CNDP1: variants seen among roughly 807,000 people sequenced by gnomAD.
CNDP1 encodes beta-Ala-His dipeptidase.
In CNDP1, 44 loss-of-function variants were observed where a neutral mutation model predicts 58.1. That is an observed-to-expected ratio of 0.76 (90% CI 0.60 to 0.97). The LOEUF (loss-of-function observed/expected upper bound fraction) is 0.97. CNDP1 is among the 50% of genes least tolerant of loss of function. CNDP1 has a pLI of 0.00. For missense variants in CNDP1, 616 were observed against 655.1 expected (o/e 0.94, Z 0.65); for synonymous variants, 254 against 252.6 (o/e 1.01, Z -0.05).
chr18:74,559,904 T>C (rs531129156), intron 3 of CNDP1, among the ~76,000 whole-genome samples: 80 of 152,338 alleles, frequency 5.3e-4, no homozygotes, highest in Non-Finnish European at 9.7e-4. Flanking sequence ...CATGAATGTC[T>C]TAAATCTAAG....
chr18:74,562,181 C>T (rs759717511), intron 5 of CNDP1, 46 bp downstream of exon 5: 8 of 1,559,308 alleles, frequency 5.1e-6, no homozygotes, highest in Admixed American at 1.7e-5. Context: ...AGGATGGTAA[C>T]GACAACTTTC....
Position 74,560,887 on chromosome 18 carries a change from C to A in CNDP1, c.335C>A (p.Pro112His), listed in dbSNP as rs75457026. 12 of 1,614,008 alleles carry A rather than the reference C, an allele frequency of 7.4e-6. No individual in the cohort carries two copies. The East Asian group carries it at 1.8e-4, about 24-fold the overall frequency. ...LPDGQSLPIP[P>H]VILAELGSDP... is the part of the protein sequence containing the mutation. ...GATGGTCAGAGTCTTCCAATACCTC[C>A]CGTCATCCTGGCCGAACTGGGGAGC... The change falls in exon 4 of 12, where the codon CCC (proline) becomes CAC (histidine). Residue 112 changes from proline (P) to histidine (H), a missense_variant. Physicochemically the swap from Pro to His is moderately conservative, Grantham distance 77. Transcript: ENST00000358821.
At chr18:74,554,665 G>C (rs1160615621) in intron 1 of CNDP1, among the ~76,000 whole-genome samples, 1 of 152,124 alleles carries the variant, frequency 6.6e-6, no homozygotes, top group African/African-American at 2.4e-5. Flanking sequence ...GGCCCTGCAT[G>C]GTACCCCAAC....
intron 1 of CNDP1, among the ~76,000 whole-genome samples, chr18:74,547,932 A>G (rs1294498454): frequency 6.6e-6 from 1 of 152,180 alleles, no homozygotes; most frequent in African/African-American, 2.4e-5. Flanking sequence ...ACCACCTGGA[A>G]TAAACACAGG....
At position 74,576,884 on chromosome 18, in the gene CNDP1, C is replaced by T. The variant is rs758551998; in HGVS notation, c.857C>T (p.Ser286Leu). The T allele has an allele frequency of 2.4e-5, 39 of 1,609,750 alleles. No individual in the cohort carries two copies. The East Asian group carries it at 5.8e-4, about 24-fold the overall frequency. The change falls in exon 8 of 12, where the codon TCG becomes TTG. Residue 286 changes from serine to leucine, a missense_variant. Physicochemically the swap from Ser to Leu is moderately radical, Grantham distance 145 (BLOSUM62 -2). Transcript: ENST00000358821. ...LVALLGSLVD[S>L]SGHILVPGIY... Reference sequence around the variant, plus strand: ...TGTTTTGTAGGTAGCCTGGTAGACTCGTCTGGTCATATCCTGGTCCCTGGA... The same window carrying T: ...TGTTTTGTAGGTAGCCTGGTAGACTTGTCTGGTCATATCCTGGTCCCTGGA...
chr18:74,540,581 T>C (rs1485398934), intron 1 of CNDP1, among the ~76,000 whole-genome samples: 3 of 152,136 alleles, frequency 2.0e-5, no homozygotes, highest in East Asian at 1.9e-4. Context: ...TCAGTGAGGA[T>C]TGGAGGGCAA....
intron 1 of CNDP1, among the ~76,000 whole-genome samples, chr18:74,541,191 C>T (rs1312730722): frequency 2.0e-5 from 3 of 152,188 alleles, no homozygotes; most frequent in African/African-American, 4.8e-5. Context: ...AGTGCAGCCT[C>T]GGTCATGGGC....
chr18:74,556,245 G>A (rs1193994740), intron 1 of CNDP1, 93 bp from the exon 2 acceptor site: 4 of 1,387,330 alleles, frequency 2.9e-6, no homozygotes, highest in Non-Finnish European at 3.9e-6. Flanking sequence ...GCAGCTGTGT[G>A]AGGTAACAGA....
chr18:74,558,392 CTTTTTT>C (rs71168498), intron 2 of CNDP1, among the ~76,000 whole-genome samples: 2 of 114,312 alleles, frequency 1.7e-5, no homozygotes, highest in Non-Finnish European at 3.4e-5. Context: ...CTTTCTTTTT[CTTTTTT>C]TTTTTTTTTT....
chr18:74,571,143 C>A (rs767505994), intron 6 of CNDP1, 43 bp from the exon 7 acceptor site: 1 of 1,347,784 alleles, frequency 7.4e-7, no homozygotes, highest in Non-Finnish European at 1.1e-6. Flanking sequence ...ACTAAAGGAA[C>A]CAAGGCAGGA....
chr18:74,561,578 T>G, intron 4 of CNDP1: 1 of 158,470 alleles, frequency 6.3e-6, no homozygotes. Flanking sequence ...CCACACACTT[T>G]CGTTTTGAAC....
At position 74,559,430 on chromosome 18, in the gene CNDP1, C is replaced by A. The variant is rs745607495; in HGVS notation, c.261C>A (p.Arg87=). The change falls in exon 3 of 12, where the codon CGC becomes CGA. Residue 87 remains arginine, a synonymous_variant. Transcript: ENST00000358821. ...CCGTGGCTGCGGACACGCTGCAGCG[C>A]CTGGGGGCCCGTGTGGCCTCGGTGG... is the stretch of plus-strand genomic sequence containing the variant. ...MMAVAADTLQ[R]LGARVASVDM... is the part of the protein sequence containing the mutation. 5.0e-6 allele frequency: 8 copies of A among 1,612,496 alleles called. No individual in the cohort carries two copies. The highest frequency in any genetic ancestry group is 6.8e-6 in the Non-Finnish European group (8 of 1,179,994).
chr18:74,569,919 C>T (rs968184689), intron 6 of CNDP1, among the ~76,000 whole-genome samples: 13 of 151,782 alleles, frequency 8.6e-5, no homozygotes, highest in African/African-American at 2.2e-4. Flanking sequence ...GGCACAGTGG[C>T]TCATGCCTGT....
intron 7 of CNDP1, among the ~76,000 whole-genome samples, chr18:74,572,673 A>G (rs1312697329): frequency 6.6e-6 from 1 of 151,804 alleles, no homozygotes; most frequent in Non-Finnish European, 1.5e-5. Flanking sequence ...CTGTAGTCCC[A>G]GCTATTTAAG....
At chr18:74,548,825 A>T (rs1447927147) in intron 1 of CNDP1, among the ~76,000 whole-genome samples, 1 of 152,240 alleles carries the variant, frequency 6.6e-6, no homozygotes, top group East Asian at 1.9e-4. Context: ...ACTGGAGCAA[A>T]GCTCACCCAT....
chr18:74,546,017 G>A (rs1299793578), intron 1 of CNDP1, among the ~76,000 whole-genome samples: 1 of 152,152 alleles, frequency 6.6e-6, no homozygotes, highest in Non-Finnish European at 1.5e-5. Context: ...TGACACCACT[G>A]TCCCTGGTAG....
chr18:74,556,356 G>GTGCTGC lies in CNDP1; in HGVS notation c.55_60dup (p.Leu19_Leu20dup), dbSNP rs10663835. 0.038 allele frequency: 60,410 copies of GTGCTGC among 1,574,132 alleles called. 735 individuals are homozygous for GTGCTGC. The highest frequency in any genetic ancestry group is 0.045 in the Non-Finnish European group (52,339 of 1,157,818). ...CTTCCAGGCTGCGTCCCTGCTGGCT[G>GTGCTGC]TGCTGCTGCTGCTGCTGGAGCGCGG... On this transcript the variant is annotated inframe_insertion, in exon 2 of 12. Coordinates refer to ENST00000358821, the MANE Select transcript of CNDP1 (RefSeq NM_032649.6).
chr18:74,578,192 C>T lies in CNDP1; in HGVS notation c.1032C>T (p.Tyr344=). ...KEEILMHLWR[Y]PSLSIHGIEG... is the part of the protein sequence containing the mutation. ...AGATTCTAATGCACCTCTGGAGGTA[C>T]CCATCTCTTTCTATTCATGGGATCG... The change falls in exon 9 of 12, where the codon TAC becomes TAT. Residue 344 remains tyrosine (Y), a synonymous_variant. Coordinates refer to ENST00000358821, the MANE Select transcript of CNDP1 (RefSeq NM_032649.6). 6.2e-7 allele frequency: 1 copy of T among 1,613,788 alleles called. No individual in the cohort carries two copies. The highest frequency in any genetic ancestry group is 8.5e-7 in the Non-Finnish European group (1 of 1,179,898).
intron 1 of CNDP1, among the ~76,000 whole-genome samples, chr18:74,544,717 C>CAAAAA (rs10562152): frequency 9.4e-5 from 6 of 63,876 alleles, no homozygotes; most frequent in African/African-American, 1.9e-4. Flanking sequence ...GGTTCTGTCT[C>CAAAAA]AAAAAAAAAA....
Sources: allele counts gnomAD v4.1 joint callset (sites outside exome capture counted in the v4.1 genomes callset), GRCh38; gene constraint gnomAD v4.1.1; transcripts MANE v1.5; gene names NCBI Gene and HGNC (gene_info 2026-07-23, HGNC 2026-07-21).